KAT6A: variants seen among roughly 807,000 people sequenced by gnomAD.
KAT6A encodes lysine acetyltransferase 6A.
KAT6A carries 9 observed loss-of-function variants against 198.4 expected under a neutral mutation model. The observed-to-expected ratio is 0.05, with a 90% CI of 0.03 to 0.08. The LOEUF (loss-of-function observed/expected upper bound fraction) is 0.08, where lower values mean the gene tolerates loss of function less well. Among genes scored for constraint, KAT6A ranks in the 10% least tolerant of loss-of-function variants. The pLI is 1.00. For missense variants in KAT6A, 2,077 were observed against 2,509.9 expected (o/e 0.83, Z 3.69); for synonymous variants, 890 against 883.0 (o/e 1.01, Z -0.14).
intron 2 of KAT6A, among the ~76,000 whole-genome samples, chr8:42,018,026 A>T (rs1826355225): frequency 6.6e-6 from 1 of 152,204 alleles, no homozygotes; most frequent in African/African-American, 2.4e-5. Context: ...GCAAAATGAG[A>T]CAGATATAGG....
chr8:41,997,728 T>A (rs992901946), intron 2 of KAT6A, among the ~76,000 whole-genome samples: 3 of 152,154 alleles, frequency 2.0e-5, no homozygotes, highest in Admixed American at 6.5e-5. Context: ...AGTCCTCTAG[T>A]GGCTCCCAGG....
intron 14 of KAT6A, chr8:41,942,505 C>T: frequency 5.1e-6 from 2 of 392,084 alleles, no homozygotes; most frequent in Admixed American, 4.3e-5. Context: ...CAACTACTAT[C>T]CAGCTTAAAA....
intron 9 of KAT6A, among the ~76,000 whole-genome samples, chr8:41,950,827 T>A (rs1221573048): frequency 6.6e-6 from 1 of 152,214 alleles, no homozygotes; most frequent in African/African-American, 2.4e-5. Flanking sequence ...TCATAATGTG[T>A]ATATTTCAAA....
chr8:41,950,810 T>C (rs1822630454), intron 9 of KAT6A, among the ~76,000 whole-genome samples: 1 of 152,186 alleles, frequency 6.6e-6, no homozygotes, highest in Admixed American at 6.5e-5. Flanking sequence ...CTAGATTTAG[T>C]CATATTTCAT....
chr8:41,991,015 AAAAAG>A (rs985653235), intron 2 of KAT6A, among the ~76,000 whole-genome samples: 4 of 151,256 alleles, frequency 2.6e-5, no homozygotes, highest in African/African-American at 9.7e-5. Context: ...AAAAAAAAAA[AAAAAG>A]GTGGAACAAC....
At chr8:41,980,657 T>C (rs544332239) in intron 5 of KAT6A, among the ~76,000 whole-genome samples, 189 bp downstream of exon 5, 1 of 152,352 alleles carries the variant, frequency 6.6e-6, no homozygotes, top group Non-Finnish European at 1.5e-5. Flanking sequence ...ATCCGTATCA[T>C]GTAAGAATGT....
At chr8:42,015,202 C>A (rs927999860) in intron 2 of KAT6A, among the ~76,000 whole-genome samples, 2 of 152,216 alleles carry the variant, frequency 1.3e-5, no homozygotes, top group African/African-American at 4.8e-5. Flanking sequence ...CATGCCCCTT[C>A]TGTGCTAAAA....
intron 7 of KAT6A, among the ~76,000 whole-genome samples, chr8:41,975,485 T>C (rs1824006891): frequency 6.6e-6 from 1 of 152,218 alleles, no homozygotes; most frequent in African/African-American, 2.4e-5. Context: ...TTGCTCTCTT[T>C]ATAAGTATGG....
chr8:42,022,691 T>A (rs1298052630), intron 2 of KAT6A, among the ~76,000 whole-genome samples: 1 of 152,196 alleles, frequency 6.6e-6, no homozygotes, highest in Non-Finnish European at 1.5e-5. Flanking sequence ...TAACACTCTT[T>A]AACCCAATAA....
intron 12 of KAT6A, among the ~76,000 whole-genome samples, chr8:41,945,912 C>T (rs1173227298): frequency 6.6e-6 from 1 of 151,864 alleles, no homozygotes; most frequent in African/African-American, 2.4e-5. Flanking sequence ...TGCCTGTAGT[C>T]CCAGCTACTC....
intron 8 of KAT6A, among the ~76,000 whole-genome samples, chr8:41,973,209 C>G (rs760394581): frequency 1.3e-5 from 2 of 152,118 alleles, no homozygotes; most frequent in African/African-American, 2.4e-5. Flanking sequence ...TCCCTAGAAC[C>G]CTCGGCATCA....
At position 41,940,903 on chromosome 8, in the gene KAT6A, T is replaced by G. The variant is rs1367608749; in HGVS notation, c.2978A>C (p.Glu993Ala). ...GFSESSEEEE[E>A]PESPRSSSPP... ...CGAGCTTGACCGAGGGCTTTCCGGC[T>G]CCTCCTCCTCCTCGCTGCTCTCACT... The change falls in exon 15 of 17, where the codon GAG becomes GCG. Residue 993 changes from glutamate (E) to alanine (A), a missense_variant. Around this residue, in one of 13 missense-constraint regions of KAT6A, gnomAD observed 301 missense variants for 272.2 expected, o/e 1.11. Coordinates refer to ENST00000265713, the MANE Select transcript of KAT6A (RefSeq NM_006766.5). 4.4e-6 allele frequency: 7 copies of G among 1,596,050 alleles called. 1 individual carries two copies. Among genetic ancestry groups the G allele is most frequent in the Non-Finnish European group, 1.7e-6 (2 of 1,170,340 alleles).
rs908867540 is a variant in KAT6A at position 41,941,067 on chromosome 8, T to G, written c.2814A>C (p.Arg938Ser). The change falls in exon 15 of 17, where the codon AGA (arginine) becomes AGC (serine). Residue 938 changes from arginine to serine, a missense_variant. Coordinates refer to ENST00000265713, the MANE Select transcript of KAT6A (RefSeq NM_006766.5). ...AGGGCTCAACCCCCTCACTGAGTCT[T>G]CTCTTGGGAAGGTCAGGTTTCCCGT... The part of the protein sequence containing the change: ...SQDGKPDLPK[R>S]RLSEGVEPWR... 6.2e-7 allele frequency: 1 copy of G among 1,614,054 alleles called. No homozygotes were observed. The highest frequency in any genetic ancestry group is 1.3e-5 in the African/African-American group (1 of 74,920).
intron 12 of KAT6A, among the ~76,000 whole-genome samples, chr8:41,944,584 G>C (rs1446138258): frequency 1.3e-5 from 2 of 152,152 alleles, no homozygotes; most frequent in Non-Finnish European, 2.9e-5. Flanking sequence ...AACGAAAATG[G>C]AGATGGCAGA....
At chr8:41,995,061 A>AAAAAAAT (rs1554691300) in intron 2 of KAT6A, among the ~76,000 whole-genome samples, 8 of 150,766 alleles carry the variant, frequency 5.3e-5, no homozygotes, top group African/African-American at 7.3e-5. Flanking sequence ...CATCTCAAAA[A>AAAAAAAT]AAAAATAAAA....
At chr8:42,051,700 A>G (rs1013251546) in intron 1 of KAT6A, among the ~76,000 whole-genome samples, 3 of 144,598 alleles carry the variant, frequency 2.1e-5, no homozygotes, top group Admixed American at 6.8e-5. Context: ...CGAGCAAGCG[A>G]GCGAGCGAGC....
intron 8 of KAT6A, among the ~76,000 whole-genome samples, chr8:41,969,906 TTACTC>T (rs1371665217): frequency 6.6e-6 from 1 of 152,188 alleles, no homozygotes; most frequent in Non-Finnish European, 1.5e-5. Flanking sequence ...CTCTAGCTCT[TTACTC>T]TGCTGACTTT....
chr8:42,044,650 G>A (rs1450232090), intron 2 of KAT6A, among the ~76,000 whole-genome samples: 2 of 152,050 alleles, frequency 1.3e-5, no homozygotes, highest in South Asian at 2.1e-4. Flanking sequence ...GAACTTGCTC[G>A]GGTTACTCCA....
intron 5 of KAT6A, 49 bp downstream of exon 5, chr8:41,980,797 T>A: frequency 7.8e-7 from 1 of 1,276,440 alleles, no homozygotes. Context: ...GTGCTTTCAC[T>A]AACATCCTCC....
Sources: allele counts gnomAD v4.1 joint callset (sites outside exome capture counted in the v4.1 genomes callset), GRCh38; gene constraint gnomAD v4.1.1; regional missense constraint gnomAD v4.1.1; transcripts MANE v1.5; gene names NCBI Gene and HGNC (gene_info 2026-07-23, HGNC 2026-07-21).